Variants in GOSR2 observed in about 807,000 individuals in gnomAD.
GOSR2 encodes 27 kDa Golgi SNARE protein.
GOSR2 carries 20 observed loss-of-function variants against 27.9 expected under a neutral mutation model. The observed-to-expected ratio is 0.72, with a 90% CI of 0.50 to 1.04. The LOEUF (loss-of-function observed/expected upper bound fraction) is 1.04. GOSR2 is among the 50% of genes least tolerant of loss of function. GOSR2 has a pLI of 0.00. For synonymous variants in GOSR2, 91 were observed against 98.8 expected, an observed-to-expected ratio of 0.92 and a Z score of 0.47; for missense variants, 261 against 270.5, an observed-to-expected ratio of 0.97 and a Z score of 0.25.
At chr17:46,936,350 A>G (rs9915693) in intron 5 of GOSR2, 980,159 of 985,414 alleles carry the variant, frequency 0.99, 487,666 homozygotes, top group East Asian at 1. Flanking sequence ...GCACATGCTA[A>G]CTTCCCACTC....
At chr17:46,951,028 G>T (rs997455677) in intron 6 of GOSR2, among the ~76,000 whole-genome samples, 1 of 152,146 alleles carries the variant, frequency 6.6e-6, no homozygotes, top group East Asian at 1.9e-4. Context: ...CCAACTACAC[G>T]CCCATGGCCT....
chr17:46,933,799 C>T (rs1388312833), intron 4 of GOSR2, among the ~76,000 whole-genome samples: 2 of 151,392 alleles, frequency 1.3e-5, no homozygotes, highest in Non-Finnish European at 2.9e-5. Flanking sequence ...ATTGTCTCTA[C>T]AAAAAAATAT....
intron 6 of GOSR2, among the ~76,000 whole-genome samples, chr17:46,953,618 G>A (rs1266341099): frequency 6.6e-6 from 1 of 152,124 alleles, no homozygotes; most frequent in Non-Finnish European, 1.5e-5. Flanking sequence ...CTGAGGAATC[G>A]CCACACTGAC....
intron 6 of GOSR2, among the ~76,000 whole-genome samples, chr17:46,959,803 C>G (rs1282864935): frequency 6.6e-6 from 1 of 152,218 alleles, no homozygotes; most frequent in African/African-American, 2.4e-5. Flanking sequence ...GGAAAGTCCT[C>G]CAATCCTTGG....
chr17:46,944,173 T>C (rs1435809824), downstream of GOSR2, among the ~76,000 whole-genome samples: 1 of 152,178 alleles, frequency 6.6e-6, no homozygotes, highest in East Asian at 1.9e-4. Context: ...TATTCCGTCT[T>C]CCAGAGCCCT....
At chr17:46,975,780 A>C (rs564163343), downstream of GOSR2, among the ~76,000 whole-genome samples, 2 of 152,126 alleles carry the variant, frequency 1.3e-5, no homozygotes, top group South Asian at 4.1e-4. Context: ...TATTTTTTTA[A>C]ACAGTGGGAG....
chr17:46,960,502 G>A (rs1316524492), intron 6 of GOSR2, among the ~76,000 whole-genome samples: 1 of 152,132 alleles, frequency 6.6e-6, no homozygotes, highest in African/African-American at 2.4e-5. Flanking sequence ...TCATTTCTAG[G>A]TATTTACCCA....
chr17:46,951,902 A>C (rs1458615926), intron 6 of GOSR2, among the ~76,000 whole-genome samples: 1 of 151,662 alleles, frequency 6.6e-6, no homozygotes, highest in Non-Finnish European at 1.5e-5. Flanking sequence ...CCCCCCAGAC[A>C]TCACCTCCCT....
intron 5 of GOSR2, 136 bp downstream of exon 5, chr17:46,935,305 G>C: frequency 6.5e-7 from 1 of 1,546,834 alleles, no homozygotes; most frequent in South Asian, 1.3e-5. Flanking sequence ...CCTTGAGTTT[G>C]GGATCCTTTC....
rs112940804 is a variant in GOSR2, at chr17:46,961,292, C to T, written c.584-5242C>T. 1.9e-3 allele frequency among the ~76,000 whole-genome samples: 296 copies of T among 152,220 alleles called. 1 individual carries two copies. Among genetic ancestry groups the T allele is most frequent in the African/African-American group, 6.8e-3 (282 of 41,528 alleles). On this transcript the variant is annotated intron_variant, in intron 6 of 6. Transcript: ENST00000573224. ...GAAACAAATATCTGTAATTTTAGCA[C>T]TTTGGGAGGCTGAGGCAGGAGGATC... is the stretch of plus-strand genomic sequence containing the variant.
chr17:46,972,871 C>T (rs1463731097), intron 6 of GOSR2: 1 of 152,982 alleles, frequency 6.5e-6, no homozygotes, highest in Non-Finnish European at 1.5e-5. Context: ...CCTTAGCACC[C>T]AGCATTAGGA....
chr17:46,942,988 C>T (rs1448211817), downstream of GOSR2, among the ~76,000 whole-genome samples: 2 of 152,170 alleles, frequency 1.3e-5, no homozygotes, highest in Non-Finnish European at 2.9e-5. Flanking sequence ...CATTGGAATT[C>T]CCTCGGGAGC....
rs199930484 is a variant in GOSR2 at position 46,932,076 on chromosome 17, C to G, written c.213C>G (p.Asp71Glu). The stretch of plus-strand genomic sequence containing the variant: ...TCTCCATCAATTCCAGTCGGGTTGA[C>G]CAGTTAAAGTATGATGTCCAGCACC... Reference protein sequence around the residue: ...NKRQNARLRVDQLKYDVQHLQ... With the variant: ...NKRQNARLRVEQLKYDVQHLQ... The change falls in exon 4 of 6, where the codon GAC becomes GAG. Residue 71 changes from aspartate (D) to glutamate (E), a missense_variant. Physicochemically the swap from Asp to Glu is conservative, Grantham distance 45. Transcript: ENST00000640051. 114 of 1,613,450 alleles carry G rather than the reference C, an allele frequency of 7.1e-5. No individual in the cohort carries two copies. The highest frequency in any genetic ancestry group is 7.6e-6 in the Non-Finnish European group (9 of 1,179,510).
intron 1 of GOSR2, among the ~76,000 whole-genome samples, chr17:46,927,981 CG>C (rs2086740457): frequency 6.6e-6 from 1 of 152,274 alleles, no homozygotes; most frequent in East Asian, 1.9e-4. Context: ...TTTCTGTCCC[CG>C]TTACCCTCCG....
In GOSR2 at chr17:46,941,224, T is replaced by C. The variant is rs565869072; in HGVS notation, c.*2464T>C. 53 of 996,044 alleles carry C rather than the reference T, an allele frequency of 5.3e-5. No individual in the cohort carries two copies. The African/African-American group carries it at 8.7e-4, about 16-fold the overall frequency. The allele number at this position is 996,044 out of a possible 1,614,324, so 61.7% of individuals were successfully genotyped here. On this transcript the variant is annotated 3_prime_UTR_variant, in exon 6 of 6. Coordinates refer to ENST00000640051, the MANE Select transcript of GOSR2 (RefSeq NM_004287.5). ...ACCAAGTAAGTTAGAGGAGTCTTGA[T>C]TTTTTAGACTTCACTGCGGAGTTCT...
chr17:46,935,000 T>G, intron 4 of GOSR2, 29 bp from the exon 5 acceptor site: 1 of 1,607,998 alleles, frequency 6.2e-7, no homozygotes. Context: ...ATAAGCAAAG[T>G]TAATCAAGTG....
At chr17:46,933,214 C>G (rs138614374) in intron 4 of GOSR2, 1 of 152,238 alleles carries the variant, frequency 6.6e-6, no homozygotes, top group African/African-American at 2.4e-5. Context: ...GCCAGCCTGG[C>G]GTGATGCTGT....
downstream of GOSR2, among the ~76,000 whole-genome samples, chr17:46,970,060 A>G (rs1023289172): frequency 3.3e-5 from 5 of 152,210 alleles, no homozygotes; most frequent in Admixed American, 2.0e-4. Flanking sequence ...CTGTAAAATG[A>G]CGATCATCCC....
intron 6 of GOSR2, chr17:46,948,757 G>C (rs2090112867): frequency 6.6e-6 from 1 of 152,234 alleles, no homozygotes; most frequent in African/African-American, 2.4e-5. Flanking sequence ...CTGTGGATGT[G>C]GGGCAGCCTG....
Sources: allele counts gnomAD v4.1 joint callset (sites outside exome capture counted in the v4.1 genomes callset), GRCh38; gene constraint gnomAD v4.1.1; transcripts MANE v1.5; gene names NCBI Gene and HGNC (gene_info 2026-07-23, HGNC 2026-07-21).